CHST5: variants seen among roughly 807,000 people sequenced by gnomAD.
CHST5 encodes GST4-alpha.
For synonymous variants in CHST5, 313 were observed against 279.2 expected (o/e 1.12, Z -1.21); for missense variants, 637 against 602.1 (o/e 1.06, Z -0.61).
chr16:75,532,086 G>C (rs375294793), intron 3 of CHST5, among the ~76,000 whole-genome samples: 1 of 152,138 alleles, frequency 6.6e-6, no homozygotes, highest in South Asian at 2.1e-4. Context: ...GGGAGGGCCT[G>C]GGGAAGCATT....
chr16:75,533,111 GTCT>G lies in CHST5; in HGVS notation c.-1282_-1280del. ...TACCTGTGTTCCAGGAAAGCCAGAG[GTCT>G]TCTTAAGGTGGTTGAATCACTCTAT... On this transcript the variant is annotated 5_prime_UTR_variant, in exon 3 of 4. Transcript: ENST00000336257. The G allele has an allele frequency of 2.8e-6, 2 of 702,148 alleles. No homozygotes were observed. The highest frequency in any genetic ancestry group is 5.2e-6 in the Non-Finnish European group (2 of 384,744). 43.5% of individuals were successfully genotyped at this position (702,148 alleles called of 1,614,324 possible).
In CHST5 at chr16:75,530,705, T is replaced by C. The variant is rs147957433; in HGVS notation, c.-321A>G. 2.0e-4 allele frequency: 219 copies of C among 1,120,922 alleles called. 1 individual carries two copies. The highest frequency in any genetic ancestry group is 2.3e-4 in the Non-Finnish European group (206 of 906,498). The allele number at this position is 1,120,922 out of a possible 1,614,324, so 69.4% of individuals were successfully genotyped here. A position where few individuals can be genotyped will look rare whatever the true frequency, so the allele number is the denominator to read the frequency against. On this transcript the variant is annotated 5_prime_UTR_variant, in exon 4 of 4. Coordinates refer to ENST00000336257, the MANE Select transcript of CHST5 (RefSeq NM_024533.5). Reference sequence around the variant, plus strand: ...AGGATACCTCTTAGAGAGACCCTTTTAGGTTGTGGAGCTAAAAGGGCTTGA... The same window carrying C: ...AGGATACCTCTTAGAGAGACCCTTTCAGGTTGTGGAGCTAAAAGGGCTTGA...
chr16:75,529,027 C>T lies in CHST5; in HGVS notation c.*122G>A, dbSNP rs2080485983. On this transcript the variant is annotated 3_prime_UTR_variant, in exon 4 of 4. Coordinates refer to ENST00000336257, the MANE Select transcript of CHST5 (RefSeq NM_024533.5). ...GTCCTTGCCTACTTCAGGGGAGGAC[C>T]CCAAACTCCCGGTTGATAGTAGGGA... 1.8e-6 allele frequency: 2 copies of T among 1,117,030 alleles called. No homozygotes were observed. Among genetic ancestry groups the T allele is most frequent in the Non-Finnish European group, 2.5e-6 (2 of 805,596 alleles). The allele number at this position is 1,117,030 out of a possible 1,614,324, so 69.2% of individuals were successfully genotyped here.
At position 75,530,563 on chromosome 16, in the gene CHST5, T is replaced by A. The variant is rs1016157971; in HGVS notation, c.-179A>T. 5.6e-6 allele frequency: 8 copies of A among 1,434,860 alleles called. No homozygotes were observed. Among genetic ancestry groups the A allele is most frequent in the Middle Eastern group, 2.6e-4 (1 of 3,876 alleles). 88.9% of individuals were successfully genotyped at this position (1,434,860 alleles called of 1,614,324 possible). On this transcript the variant is annotated 5_prime_UTR_variant, in exon 4 of 4. Transcript: ENST00000336257. ...CAGCAGAAGTCCAGTTGCAGAATAA[T>A]GTGGGATATCATCAAACTGTCTACC...
chr16:75,532,533 T>A (rs778786249), intron 3 of CHST5, among the ~76,000 whole-genome samples: 1 of 152,192 alleles, frequency 6.6e-6, no homozygotes, highest in Non-Finnish European at 1.5e-5. Flanking sequence ...ATCTCACCTC[T>A]GCTCCTTCGC....
At chr16:75,531,912 G>A (rs1303537094) in intron 3 of CHST5, among the ~76,000 whole-genome samples, 6 of 152,162 alleles carry the variant, frequency 3.9e-5, no homozygotes, top group Non-Finnish European at 7.4e-5. Flanking sequence ...GGATGGAAGC[G>A]AGAGAGCTGG....
intron 3 of CHST5, among the ~76,000 whole-genome samples, chr16:75,532,182 C>T (rs1346395176): frequency 6.6e-6 from 1 of 152,170 alleles, no homozygotes; most frequent in Non-Finnish European, 1.5e-5. Flanking sequence ...TGGTGAGTCT[C>T]CCCACAGAGG....
chr16:75,530,470 A>G lies in CHST5; in HGVS notation c.-86T>C. 1 of 1,453,718 alleles carries G rather than the reference A, an allele frequency of 6.9e-7. No homozygotes were observed. Among genetic ancestry groups the G allele is most frequent in the South Asian group, 1.5e-5 (1 of 67,854 alleles). The allele number at this position is 1,453,718 out of a possible 1,614,324, so 90.1% of individuals were successfully genotyped here. Reference sequence around the variant, plus strand: ...CCCATTGGACTTCCCAAGACTCCCAAGGTCTCAGTCGAGCACTTTCCCAGG... The same window carrying G: ...CCCATTGGACTTCCCAAGACTCCCAGGGTCTCAGTCGAGCACTTTCCCAGG... On this transcript the variant is annotated 5_prime_UTR_variant, in exon 4 of 4. Transcript: ENST00000336257.
chr16:75,530,002 A>G lies in CHST5; in HGVS notation c.383T>C (p.Val128Ala). 1 of 1,613,352 alleles carries G rather than the reference A, an allele frequency of 6.2e-7. No individual in the cohort carries two copies. Among genetic ancestry groups the G allele is most frequent in the Non-Finnish European group, 8.5e-7 (1 of 1,179,972 alleles). Residue 128 changes from valine to alanine, a missense_variant, in exon 4 of 4, where the codon GTG becomes GCG. Transcript: ENST00000336257. ...GCTCTGTGGCATGTAGGCATCAAAC[A>G]CGTCCATGTCGCACAAAAAGATAGA... ...MRSIFLCDMDVFDAYMPQSRN... is the reference protein window; with the variant it reads ...MRSIFLCDMDAFDAYMPQSRN...
Position 75,529,620 on chromosome 16 carries a change from C to T in CHST5, c.765G>A (p.Val255=). The change falls in exon 4 of 4, where the codon GTG becomes GTA. Residue 255 remains valine (V), a synonymous_variant. Coordinates refer to ENST00000336257, the MANE Select transcript of CHST5 (RefSeq NM_024533.5). ...TCAGGCGCAGGTGAGGGTCGGCCTC[C>T]ACCCACTTGCCGTTGGTGCCCAGCA... ...GIVLGTNGKW[V]EADPHLRLIR... is the part of the protein sequence containing the mutation. 6 of 1,611,106 alleles carry T rather than the reference C, an allele frequency of 3.7e-6. No homozygotes were observed. Among genetic ancestry groups the T allele is most frequent in the Non-Finnish European group, 5.1e-6 (6 of 1,179,014 alleles).
In CHST5 at chr16:75,528,865, A is replaced by T; in HGVS notation, c.*284T>A. 3.1e-6 allele frequency: 1 copy of T among 322,386 alleles called. No homozygotes were observed. The highest frequency in any genetic ancestry group is 5.7e-6 in the Non-Finnish European group (1 of 176,060). 20.0% of individuals were successfully genotyped at this position (322,386 alleles called of 1,614,324 possible). A position where few individuals can be genotyped will look rare whatever the true frequency, so the allele number is the denominator to read the frequency against. Reference sequence around the variant, plus strand: ...ACCCGGCCTGGCACACATTTAATTTAATTTAGCAGTAACTTACTCCCTGCG... The same window carrying T: ...ACCCGGCCTGGCACACATTTAATTTTATTTAGCAGTAACTTACTCCCTGCG... On this transcript the variant is annotated 3_prime_UTR_variant, in exon 4 of 4. Coordinates refer to ENST00000336257, the MANE Select transcript of CHST5 (RefSeq NM_024533.5).
chr16:75,530,187 C>A lies in CHST5; in HGVS notation c.198G>T (p.Leu66=). 1.2e-6 allele frequency: 2 copies of A among 1,613,680 alleles called. No homozygotes were observed. The highest frequency in any genetic ancestry group is 1.7e-6 in the Non-Finnish European group (2 of 1,180,010). ...AGCCCGAGCGCCACGAGGACAGCACCAGCACGTGCACACGATCCTCGCCGC... is the reference window on the plus strand; with the variant it reads ...AGCCCGAGCGCCACGAGGACAGCACAAGCACGTGCACACGATCCTCGCCGC... ...PAGGEDRVHV[L]VLSSWRSGSS... Residue 66 remains leucine, a synonymous_variant, in exon 4 of 4, where the codon CTG becomes CTT. Coordinates refer to ENST00000336257, the MANE Select transcript of CHST5 (RefSeq NM_024533.5).
At chr16:75,535,874 C>G (rs547727455) in intron 1 of CHST5, among the ~76,000 whole-genome samples, 170 bp downstream of exon 1, 3 of 152,222 alleles carry the variant, frequency 2.0e-5, no homozygotes, top group Admixed American at 6.5e-5. Flanking sequence ...CCTCACCCCC[C>G]CAATCGCCAG....
intron 2 of CHST5, among the ~76,000 whole-genome samples, 187 bp from the exon 3 acceptor site, chr16:75,533,370 C>T (rs1597029626): frequency 6.6e-6 from 1 of 152,098 alleles, no homozygotes; most frequent in African/African-American, 2.4e-5. Context: ...GGCTCAGAGA[C>T]ATTAATACCC....
intron 2 of CHST5, among the ~76,000 whole-genome samples, chr16:75,534,878 A>T (rs2080550327): frequency 6.6e-6 from 1 of 152,096 alleles, no homozygotes; most frequent in East Asian, 1.9e-4. Context: ...AAGAACCCGC[A>T]CCCCGACCCC....
intron 3 of CHST5, 75 bp downstream of exon 3, chr16:75,533,014 A>G (rs2080536173): frequency 6.2e-6 from 4 of 645,958 alleles, no homozygotes; most frequent in Non-Finnish European, 1.1e-5. Flanking sequence ...CTCTGGCCCA[A>G]ACACAGTTGT....
chr16:75,532,028 T>C (rs1345448251), intron 3 of CHST5, among the ~76,000 whole-genome samples: 1 of 152,204 alleles, frequency 6.6e-6, no homozygotes, highest in African/African-American at 2.4e-5. Context: ...TTGCAATATT[T>C]AACCTCTTAG....
rs2080481583 is a variant in CHST5 at position 75,528,558 on chromosome 16, T to C, written c.*591A>G. On this transcript the variant is annotated 3_prime_UTR_variant, in exon 4 of 4. Transcript: ENST00000336257. ...CAGGACTTTTGAACAAATTTATTAC[T>C]TATTTTTTTGATAGAGTCTTGCTCT... The C allele has an allele frequency of 2.0e-5, 3 of 152,242 alleles. No individual in the cohort carries two copies. The highest frequency in any genetic ancestry group is 2.0e-4 in the Admixed American group (3 of 15,272). The allele number at this position is 152,242 out of a possible 1,614,324, so 9.4% of individuals were successfully genotyped here.
At position 75,531,060 on chromosome 16, in the gene CHST5, C is replaced by T. The variant is rs2080515581; in HGVS notation, c.-676G>A. On this transcript the variant is annotated 5_prime_UTR_variant, in exon 4 of 4. The change creates a new upstream start codon in the 5' untranslated region. Coordinates refer to ENST00000336257, the MANE Select transcript of CHST5 (RefSeq NM_024533.5). ...TTTGTCAGCCAGGCGCGGTGGCTCA[C>T]GCCTGTAATCCCAGCATTATGGGAG... 51 of 1,000,950 alleles carry T rather than the reference C, an allele frequency of 5.1e-5. No homozygotes were observed. The highest frequency in any genetic ancestry group is 5.7e-5 in the Non-Finnish European group (47 of 830,680). The allele number at this position is 1,000,950 out of a possible 1,614,324, so 62.0% of individuals were successfully genotyped here. A position where few individuals can be genotyped will look rare whatever the true frequency, so the allele number is the denominator to read the frequency against.
Sources: allele counts gnomAD v4.1 joint callset (sites outside exome capture counted in the v4.1 genomes callset), GRCh38; gene constraint gnomAD v4.1.1; transcripts MANE v1.5; gene names NCBI Gene and HGNC (gene_info 2026-07-23, HGNC 2026-07-21).